Variants in PHACTR3 observed in about 807,000 individuals in gnomAD.
The protein encoded by PHACTR3 is phosphatase and actin regulator 3, also known as protein phosphatase 1, regulatory subunit 123.
A neutral mutation model predicts 66.8 loss-of-function variants in PHACTR3; 16 were observed. The ratio of observed to expected loss-of-function variants is 0.24; its 90% CI spans 0.16 to 0.36. The LOEUF (loss-of-function observed/expected upper bound fraction) is 0.36, where lower values mean the gene tolerates loss of function less well. Ranked by LOEUF, PHACTR3 falls within the 10% of genes least tolerant of loss-of-function variation. The pLI, the probability that PHACTR3 is intolerant of heterozygous loss-of-function variation, is 1.00. For synonymous variants in PHACTR3, 323 were observed against 292.1 expected (o/e 1.11, Z -1.08); for missense variants, 647 against 719.9 (o/e 0.90, Z 1.16).
At chr20:59,781,651 A>G (rs2040730406) in intron 7 of PHACTR3, among the ~76,000 whole-genome samples, 6 of 152,236 alleles carry the variant, frequency 3.9e-5, no homozygotes, top group Admixed American at 3.9e-4. Context: ...ATTTATTTAT[A>G]AACTATACAT....
At chr20:59,632,300 G>A (rs1000142673) in intron 1 of PHACTR3, among the ~76,000 whole-genome samples, 30 of 152,210 alleles carry the variant, frequency 2.0e-4, no homozygotes, top group African/African-American at 6.5e-4. Flanking sequence ...CACCTCCTCC[G>A]TCTCTGTCCA....
At position 59,731,061 on chromosome 20, in the gene PHACTR3, T is replaced by C. The variant is rs151051278; in HGVS notation, c.119-12046T>C. On this transcript the variant is annotated intron_variant, in intron 1 of 12. Transcript: ENST00000371015. ...TAGACACAGTTTTTAAATTGACTTTTGTTTTTCTTTAACCTTTTGCTGATA... is the reference window on the plus strand; with the variant it reads ...TAGACACAGTTTTTAAATTGACTTTCGTTTTTCTTTAACCTTTTGCTGATA... 3.6e-3 allele frequency among the ~76,000 whole-genome samples: 543 copies of C among 152,326 alleles called. 8 individuals carry two copies. Among genetic ancestry groups the C allele is most frequent in the Non-Finnish European group, 6.0e-3 (410 of 68,026 alleles).
At chr20:59,747,148 A>C (rs1451327083) in intron 2 of PHACTR3, among the ~76,000 whole-genome samples, 1 of 152,230 alleles carries the variant, frequency 6.6e-6, no homozygotes, top group Non-Finnish European at 1.5e-5. Flanking sequence ...AGAAAGGGCT[A>C]TTCTGAAGGC....
At chr20:59,658,773 C>T (rs2035710682) in intron 1 of PHACTR3, among the ~76,000 whole-genome samples, 1 of 152,130 alleles carries the variant, frequency 6.6e-6, no homozygotes, top group African/African-American at 2.4e-5. Context: ...CAACCTGATC[C>T]AGTTAAATTT....
intron 8 of PHACTR3, among the ~76,000 whole-genome samples, chr20:59,810,214 T>TGGGAGAA (rs1319714472): frequency 1.3e-5 from 2 of 152,190 alleles, no homozygotes; most frequent in Non-Finnish European, 1.5e-5. Context: ...GAGAGGAAGT[T>TGGGAGAA]GGGAGAAGGT....
intron 1 of PHACTR3, among the ~76,000 whole-genome samples, chr20:59,663,353 C>T: frequency 6.6e-6 from 1 of 152,192 alleles, no homozygotes; most frequent in South Asian, 2.1e-4. Context: ...CTGGCTGTAG[C>T]AACTGGGTGG....
chr20:59,727,583 C>T (rs1018875091), intron 1 of PHACTR3, among the ~76,000 whole-genome samples: 3 of 152,118 alleles, frequency 2.0e-5, no homozygotes, highest in Non-Finnish European at 4.4e-5. Context: ...GGTTTGAGGC[C>T]TCGCTGTGCC....
intron 1 of PHACTR3, among the ~76,000 whole-genome samples, chr20:59,635,095 TTCTC>T (rs201285336): frequency 4.0e-4 from 52 of 131,410 alleles, no homozygotes; most frequent in African/African-American, 1.3e-3. Context: ...CTTTCTTTCT[TTCTC>T]TCTCTTTCTT....
intron 1 of PHACTR3, among the ~76,000 whole-genome samples, chr20:59,719,945 A>C (rs2038232088): frequency 6.6e-6 from 1 of 152,196 alleles, no homozygotes; most frequent in South Asian, 2.1e-4. Flanking sequence ...CATGTTTTCA[A>C]AATGCCAGCT....
rs1436721740 is a variant in PHACTR3, at chr20:59,830,095, G to A, written c.1329-6410G>A. 3.9e-5 allele frequency among the ~76,000 whole-genome samples: 6 copies of A among 152,172 alleles called. No individual in the cohort carries two copies. The highest frequency in any genetic ancestry group is 8.8e-5 in the Non-Finnish European group (6 of 68,044). ...ACTGGTACAAACTTGGCACTGAGAC[G>A]GCGTCTGATGGGAGAAGAGGGGGTG... On this transcript the variant is annotated intron_variant, in intron 8 of 12. Transcript: ENST00000371015. The surrounding 1 kb of genome is among the most constrained non-coding windows in gnomAD (Gnocchi z 5.8).
At chr20:59,651,558 C>T (rs1043276077) in intron 1 of PHACTR3, among the ~76,000 whole-genome samples, 1 of 152,166 alleles carries the variant, frequency 6.6e-6, no homozygotes, top group African/African-American at 2.4e-5. Context: ...AGGAATCTAT[C>T]CCAAAATATC....
At chr20:59,693,745 G>GT (rs1409111671) in intron 1 of PHACTR3, among the ~76,000 whole-genome samples, 4 of 152,172 alleles carry the variant, frequency 2.6e-5, no homozygotes, top group African/African-American at 9.7e-5. Context: ...TGCAGGCTGG[G>GT]TATAACACTG....
upstream of PHACTR3, among the ~76,000 whole-genome samples, chr20:59,601,936 C>T (rs1167698425): frequency 6.6e-6 from 1 of 152,180 alleles, no homozygotes; most frequent in African/African-American, 2.4e-5. Context: ...TTTTAACCCT[C>T]ATCCATACAC....
intron 1 of PHACTR3, among the ~76,000 whole-genome samples, chr20:59,685,351 G>A (rs937938557): frequency 2.0e-5 from 3 of 152,182 alleles, no homozygotes; most frequent in African/African-American, 7.2e-5. Flanking sequence ...TAGCCAGGTG[G>A]CTGGCAGCAC....
intron 1 of PHACTR3, among the ~76,000 whole-genome samples, chr20:59,741,754 CT>C (rs5842281): frequency 0.77 from 107,105 of 139,350 alleles, 40,965 homozygotes; most frequent in African/African-American, 0.86. Flanking sequence ...TTCTTTCTTT[CT>C]TTTTTTTTTT....
rs2146475728 is a variant in PHACTR3 at position 59,660,756 on chromosome 20, C to T, written c.118+55624C>T. Among the ~76,000 whole-genome samples, 2 of 152,332 alleles carry T rather than the reference C, an allele frequency of 1.3e-5. 1 individual carries two copies. On this transcript the variant is annotated intron_variant, in intron 1 of 12. Coordinates refer to ENST00000371015, the MANE Select transcript of PHACTR3 (RefSeq NM_080672.5). ...ATATATAAACACTGAGTATCTACAG[C>T]AAGAACATCATTCTCTTGGAGAGCC...
At chr20:59,755,628 ACC>A in intron 4 of PHACTR3, among the ~76,000 whole-genome samples, 1 of 151,996 alleles carries the variant, frequency 6.6e-6, no homozygotes, top group East Asian at 1.9e-4. Context: ...TGGCACACCT[ACC>A]CCCCCTCCCA....
chr20:59,660,335 A>T (rs928976471), intron 1 of PHACTR3, among the ~76,000 whole-genome samples: 1 of 152,234 alleles, frequency 6.6e-6, no homozygotes, highest in African/African-American at 2.4e-5. Context: ...TCTACTAAAA[A>T]TACAAAAAAT....
rs192171841 is a variant in PHACTR3, at chr20:59,781,986, C to G, written c.1174+7496C>G. Among the ~76,000 whole-genome samples, 31 of 152,240 alleles carry G rather than the reference C, an allele frequency of 2.0e-4. 1 individual carries two copies. The East Asian group carries it at 6.0e-3, about 29-fold the overall frequency. ...TAAAGCTTCTTAAGACACACCCTTG[C>G]TATGTATTCAGCAAGTACTATATGT... is the stretch of plus-strand genomic sequence containing the variant. On this transcript the variant is annotated intron_variant, in intron 7 of 12. Coordinates refer to ENST00000371015, the MANE Select transcript of PHACTR3 (RefSeq NM_080672.5).
Sources: gnomAD v4.1 joint callset for allele counts (sites outside exome capture counted in the v4.1 genomes callset) on GRCh38, gnomAD v4.1.1 for gene constraint, Gnocchi (gnomAD v3.1) non-coding constraint, MANE v1.5 for transcripts, NCBI Gene and HGNC (gene_info 2026-07-23, HGNC 2026-07-21) for gene names.